The following GLI2 variants were observed in gnomAD, a reference collection of about 807,000 sequenced individuals.
The protein encoded by GLI2 is transcription activator GLI2.
A neutral mutation model predicts 78.9 loss-of-function variants in GLI2; 22 were observed. The ratio of observed to expected loss-of-function variants is 0.28; its 90% confidence interval spans 0.20 to 0.40. The LOEUF is 0.40. Among genes scored for constraint, GLI2 ranks in the 10% least tolerant of loss-of-function variants. The pLI is 1.00. For synonymous variants in GLI2, 974 were observed against 963.7 expected, an observed-to-expected ratio of 1.01 and a Z score of -0.20; for missense variants, 2,097 against 2,213.2, an observed-to-expected ratio of 0.95 and a Z score of 1.05.
chr2:120,989,399 A>G lies in GLI2; in HGVS notation c.3434A>G (p.Lys1145Arg), dbSNP rs190017682. The change falls in exon 14 of 14, where the codon AAG becomes AGG. Residue 1145 changes from lysine to arginine, a missense_variant. Coordinates refer to ENST00000361492, the MANE Select transcript of GLI2 (RefSeq NM_001374353.1). ...GTVDALASQV[K>R]PPPFPQGNLA... is the part of the protein sequence containing the mutation. ...GTAGACGCCCTGGCCAGCCAGGTGA[A>G]GCCTCCACCCTTTCCTCAGGGCAAC... 83 of 1,613,038 alleles carry G rather than the reference A, an allele frequency of 5.1e-5. No individual in the cohort carries two copies. The Admixed American group carries it at 7.3e-4, about 14-fold the overall frequency.
chr2:120,898,452 G>T (rs1292530974), intron 2 of GLI2, among the ~76,000 whole-genome samples: 1 of 152,124 alleles, frequency 6.6e-6, no homozygotes, highest in African/African-American at 2.4e-5. Flanking sequence ...GCCTGGATTC[G>T]CACTGAATTG....
At chr2:120,808,298 C>T (rs1050227376) in intron 2 of GLI2, among the ~76,000 whole-genome samples, 1 of 152,136 alleles carries the variant, frequency 6.6e-6, no homozygotes, top group Non-Finnish European at 1.5e-5. Flanking sequence ...TGGGGAAGTC[C>T]CTGCCCCCGC....
At chr2:120,790,136 T>C (rs1684106224) in intron 1 of GLI2, among the ~76,000 whole-genome samples, 1 of 152,108 alleles carries the variant, frequency 6.6e-6, no homozygotes, top group Admixed American at 6.5e-5. Context: ...AGCGATTTCT[T>C]TTCTTCCAGA....
intron 3 of GLI2, among the ~76,000 whole-genome samples, chr2:120,950,275 T>C (rs1297366785): frequency 6.6e-6 from 1 of 152,264 alleles, no homozygotes; most frequent in Non-Finnish European, 1.5e-5. Flanking sequence ...TGTCAAATTA[T>C]AGACTAAAGA....
chr2:120,930,600 G>A (rs1278120014), intron 3 of GLI2, among the ~76,000 whole-genome samples: 1 of 152,244 alleles, frequency 6.6e-6, no homozygotes, highest in Non-Finnish European at 1.5e-5. Context: ...CAGAACCCCT[G>A]GCCAAGCAGC....
At chr2:120,969,546 A>C (rs1453167172) in intron 6 of GLI2, among the ~76,000 whole-genome samples, 5 of 152,258 alleles carry the variant, frequency 3.3e-5, no homozygotes, top group Admixed American at 2.0e-4. Flanking sequence ...GCTGCCTAAC[A>C]AATTGCTCCA....
At position 120,936,433 on chromosome 2, in the gene GLI2, C is replaced by T. The variant is rs559186209; in HGVS notation, c.254+8967C>T. Among the ~76,000 whole-genome samples, 299 of 152,284 alleles carry T rather than the reference C, an allele frequency of 2.0e-3. 1 individual carries two copies. Among genetic ancestry groups the T allele is most frequent in the African/African-American group, 6.8e-3 (283 of 41,572 alleles). On this transcript the variant is annotated intron_variant, in intron 3 of 13. Transcript: ENST00000361492. Reference sequence around the variant, plus strand: ...TGTCCTATTCAGTCCTCCCAACACCCTGTAAGGTGGGGGATTTTCTCCTCA... The same window carrying T: ...TGTCCTATTCAGTCCTCCCAACACCTTGTAAGGTGGGGGATTTTCTCCTCA...
chr2:120,895,352 G>A (rs1204391795), intron 2 of GLI2, among the ~76,000 whole-genome samples: 2 of 152,230 alleles, frequency 1.3e-5, no homozygotes, highest in South Asian at 2.1e-4. Flanking sequence ...AGGGGAGGAA[G>A]GGGAAGTGAA....
In GLI2 at chr2:120,825,809, C is replaced by T. The variant is rs139967434; in HGVS notation, c.148+28341C>T. The stretch of plus-strand genomic sequence containing the variant: ...TGGGTGTCTTCTGACAAGTCTTACC[C>T]CTGCCCCTAGGGCTAAGCCCCAAGG... On this transcript the variant is annotated intron_variant, in intron 2 of 13. Transcript: ENST00000361492. Among the ~76,000 whole-genome samples the T allele has an allele frequency of 3.1e-3, 468 of 152,338 alleles. 4 individuals are homozygous for T. The highest frequency in any genetic ancestry group is 0.02 in the Middle Eastern group (6 of 294).
At chr2:120,770,611 A>G (rs1464322467) in intron 1 of GLI2, among the ~76,000 whole-genome samples, 2 of 152,174 alleles carry the variant, frequency 1.3e-5, no homozygotes, top group Non-Finnish European at 2.9e-5. Flanking sequence ...GTGAGGTGGG[A>G]CATGGGTGCA....
At chr2:120,773,010 A>G (rs1174023480) in intron 1 of GLI2, among the ~76,000 whole-genome samples, 3 of 152,304 alleles carry the variant, frequency 2.0e-5, no homozygotes, top group Non-Finnish European at 4.4e-5. Context: ...TATTGCTCTC[A>G]ATGTCTGATA....
intron 13 of GLI2, 75 bp downstream of exon 13, chr2:120,986,689 A>G: frequency 8.6e-7 from 1 of 1,165,932 alleles, no homozygotes; most frequent in Non-Finnish European, 1.3e-6. Flanking sequence ...GGCACCCACC[A>G]AGCACCAGTG....
At chr2:120,851,021 T>G (rs1206861575) in intron 2 of GLI2, among the ~76,000 whole-genome samples, 1 of 152,208 alleles carries the variant, frequency 6.6e-6, no homozygotes, top group African/African-American at 2.4e-5. Context: ...CTATTGCCTT[T>G]CATTATAAGC....
chr2:120,822,335 C>T (rs1291353701), intron 2 of GLI2, among the ~76,000 whole-genome samples: 1 of 152,232 alleles, frequency 6.6e-6, no homozygotes, highest in Non-Finnish European at 1.5e-5. Flanking sequence ...GGGTCCAGCT[C>T]AAGGGACAGG....
chr2:120,948,750 G>T (rs1012617744), intron 3 of GLI2, among the ~76,000 whole-genome samples: 4 of 152,184 alleles, frequency 2.6e-5, no homozygotes, highest in Admixed American at 2.0e-4. Context: ...ACCCCACAGG[G>T]CAACCCTGGT....
chr2:120,821,837 C>T lies in GLI2; in HGVS notation c.148+24369C>T, dbSNP rs188310263. ...GGATGCTGAGGCTCTTCACCAGGGC[C>T]GCCCAGCTGGATGGCAGTGGGGTGG... On this transcript the variant is annotated intron_variant, in intron 2 of 13. Coordinates refer to ENST00000361492, the MANE Select transcript of GLI2 (RefSeq NM_001374353.1). 5.3e-5 allele frequency among the ~76,000 whole-genome samples: 8 copies of T among 152,300 alleles called. No individual in the cohort carries two copies. The East Asian group carries it at 1.2e-3, about 22-fold the overall frequency.
intron 3 of GLI2, among the ~76,000 whole-genome samples, chr2:120,938,435 T>A (rs895552): frequency 6.6e-6 from 1 of 152,038 alleles, no homozygotes; most frequent in South Asian, 2.1e-4. Flanking sequence ...ATGAATCAAC[T>A]GTTGTGGACC....
At chr2:120,824,866 C>T (rs1011468112) in intron 2 of GLI2, among the ~76,000 whole-genome samples, 3 of 152,152 alleles carry the variant, frequency 2.0e-5, no homozygotes, top group Non-Finnish European at 4.4e-5. Context: ...GACAGGTTAT[C>T]GCTCAGTTGC....
intron 1 of GLI2, among the ~76,000 whole-genome samples, chr2:120,769,130 G>A (rs945727567): frequency 3.9e-5 from 6 of 152,280 alleles, no homozygotes; most frequent in Non-Finnish European, 8.8e-5. Flanking sequence ...AAAGAGCACC[G>A]CTCACCTCCA....
Sources: gnomAD v4.1 joint callset for allele counts (sites outside exome capture counted in the v4.1 genomes callset) on GRCh38, gnomAD v4.1.1 for gene constraint, MANE v1.5 for transcripts, NCBI Gene and HGNC (gene_info 2026-07-23, HGNC 2026-07-21) for gene names.